The following IL1RAP variants were observed in gnomAD, a reference collection of about 807,000 sequenced individuals.
The protein encoded by IL1RAP is interleukin 1 receptor accessory protein, also known as interleukin-1 receptor accessory protein.
A neutral mutation model predicts 60.7 loss-of-function variants in IL1RAP; 35 were observed. That is an observed-to-expected ratio of 0.58 (90% CI 0.44 to 0.76). The LOEUF (loss-of-function observed/expected upper bound fraction) is 0.76. IL1RAP is among the 30% of genes least tolerant of loss of function. The pLI, the probability that IL1RAP is intolerant of heterozygous loss-of-function variation, is 0.00. For synonymous variants in IL1RAP, 268 were observed against 250.9 expected, an observed-to-expected ratio of 1.07 and a Z score of -0.64; for missense variants, 572 against 693.9, an observed-to-expected ratio of 0.82 and a Z score of 1.97.
rs2108752434 is a variant in IL1RAP, at chr3:190,604,326, C to A, written c.263C>A (p.Pro88His). The A allele has an allele frequency of 6.2e-7, 1 of 1,613,990 alleles. No individual in the cohort carries two copies. The highest frequency in any genetic ancestry group is 8.5e-7 in the Non-Finnish European group (1 of 1,179,984). ...DLEEPINFRLPENRISKEKDV... is the reference protein window; with the variant it reads ...DLEEPINFRLHENRISKEKDV... ...GAGGAGCCAATTAACTTCCGCCTCC[C>A]CGAGAACCGCATTAGTAAGGAGAAA... The change falls in exon 4 of 12, where the codon CCC becomes CAC. Residue 88 changes from proline (P) to histidine (H), a missense_variant. Physicochemically the swap from Pro to His is moderately conservative, Grantham distance 77. Coordinates refer to ENST00000447382, the MANE Select transcript of IL1RAP (RefSeq NM_002182.4).
intron 5 of IL1RAP, among the ~76,000 whole-genome samples, chr3:190,611,567 T>C (rs1006838245): frequency 1.3e-5 from 2 of 152,188 alleles, no homozygotes; most frequent in African/African-American, 4.8e-5. Flanking sequence ...GTGAAAAGTA[T>C]ATAAATAAAA....
intron 1 of IL1RAP, among the ~76,000 whole-genome samples, chr3:190,553,878 G>A (rs1725126815): frequency 6.6e-6 from 1 of 151,536 alleles, no homozygotes; most frequent in Non-Finnish European, 1.5e-5. Flanking sequence ...GGCTAAAAAC[G>A]GTGAAACCCC....
At chr3:190,524,598 A>G (rs555758127) in intron 1 of IL1RAP, among the ~76,000 whole-genome samples, 16 of 152,088 alleles carry the variant, frequency 1.1e-4, no homozygotes, top group Non-Finnish European at 1.8e-4. Flanking sequence ...TCCTTTCCTC[A>G]TTTCTTATTT....
At chr3:190,582,552 A>G (rs1441575626) in intron 3 of IL1RAP, among the ~76,000 whole-genome samples, 1 of 152,072 alleles carries the variant, frequency 6.6e-6, no homozygotes, top group East Asian at 1.9e-4. Flanking sequence ...TCCTGACCTC[A>G]GGTGATCCAC....
At chr3:190,525,446 G>T (rs571393362) in intron 1 of IL1RAP, among the ~76,000 whole-genome samples, 2 of 152,350 alleles carry the variant, frequency 1.3e-5, no homozygotes, top group Middle Eastern at 3.4e-3. Context: ...GACTGGTCTT[G>T]CAGGCTATGG....
At position 190,609,053 on chromosome 3, in the gene IL1RAP, T is replaced by A; in HGVS notation, c.409T>A (p.Cys137Ser). The change falls in exon 5 of 12, where the codon TGT (cysteine) becomes AGT (serine). Residue 137 changes from cysteine to serine, a missense_variant. Transcript: ENST00000447382. ...CTTGGAAGTTGTTCAAAAAGACAGC[T>A]GTTTCAATTCCCCCATGAAACTCCC... Reference protein sequence around the residue: ...FPLEVVQKDSCFNSPMKLPVH... With the variant: ...FPLEVVQKDSSFNSPMKLPVH... 6.2e-7 allele frequency: 1 copy of A among 1,613,506 alleles called. No individual in the cohort carries two copies. The highest frequency in any genetic ancestry group is 8.5e-7 in the Non-Finnish European group (1 of 1,179,634).
At chr3:190,527,671 G>C (rs1400109925) in intron 1 of IL1RAP, among the ~76,000 whole-genome samples, 1 of 148,180 alleles carries the variant, frequency 6.7e-6, no homozygotes, top group Non-Finnish European at 1.5e-5. Context: ...GAACCAATAT[G>C]GTGCTTGTTT....
chr3:190,529,109 C>T (rs1192237745), intron 1 of IL1RAP, among the ~76,000 whole-genome samples: 1 of 152,186 alleles, frequency 6.6e-6, no homozygotes, highest in East Asian at 1.9e-4. Flanking sequence ...TGGAAAAGGA[C>T]AGATTGGAGC....
intron 3 of IL1RAP, among the ~76,000 whole-genome samples, chr3:190,591,484 A>G (rs537910949): frequency 6.6e-6 from 1 of 152,212 alleles, no homozygotes; most frequent in Admixed American, 6.5e-5. Flanking sequence ...GACTGCATTC[A>G]CTTCATGTAT....
chr3:190,547,618 A>T (rs967462779), intron 1 of IL1RAP, among the ~76,000 whole-genome samples: 3 of 152,160 alleles, frequency 2.0e-5, no homozygotes, highest in Admixed American at 2.0e-4. Context: ...GAGGATGCAT[A>T]ATAGGCTGTT....
At chr3:190,561,229 G>A (rs567875335) in intron 2 of IL1RAP, among the ~76,000 whole-genome samples, 1 of 152,092 alleles carries the variant, frequency 6.6e-6, no homozygotes, top group Non-Finnish European at 1.5e-5. Flanking sequence ...TACTCTTTAC[G>A]ATAATAAAAT....
intron 6 of IL1RAP, among the ~76,000 whole-genome samples, chr3:190,622,421 G>T (rs148636914): frequency 1.3e-5 from 2 of 152,086 alleles, no homozygotes; most frequent in South Asian, 4.1e-4. Flanking sequence ...GTTATCCAGA[G>T]TTAGCACTGA....
Position 190,629,382 on chromosome 3 carries a change from G to T in IL1RAP, c.935G>T (p.Arg312Ile), listed in dbSNP as rs1352119522. The T allele has an allele frequency of 6.2e-7, 1 of 1,612,576 alleles. No individual in the cohort carries two copies. The highest frequency in any genetic ancestry group is 8.5e-7 in the Non-Finnish European group (1 of 1,179,318). The part of the protein sequence containing the change: ...ISHSRTEDET[R>I]TQILSIKKVT... Reference sequence around the variant, plus strand: ...CATAGTAGAACAGAAGATGAAACAAGAACTCAGATTTTGAGCATCAAGAAA... The same window carrying T: ...CATAGTAGAACAGAAGATGAAACAATAACTCAGATTTTGAGCATCAAGAAA... Residue 312 changes from arginine to isoleucine, a missense_variant, in exon 9 of 12, where the codon AGA becomes ATA. Transcript: ENST00000447382.
intron 5 of IL1RAP, among the ~76,000 whole-genome samples, chr3:190,610,706 G>A (rs1183723148): frequency 6.6e-6 from 1 of 152,004 alleles, no homozygotes; most frequent in Non-Finnish European, 1.5e-5. Context: ...AGCAAAATTT[G>A]GCAGAACTCC....
downstream of IL1RAP, chr3:190,656,485 G>C (rs1216956881): frequency 6.5e-7 from 1 of 1,537,208 alleles, no homozygotes; most frequent in Admixed American, 2.0e-5. Flanking sequence ...TGTTCCCCAA[G>C]AGTCAGAAAC....
intron 3 of IL1RAP, among the ~76,000 whole-genome samples, chr3:190,593,748 C>T (rs984701006): frequency 9.9e-5 from 15 of 152,040 alleles, no homozygotes; most frequent in African/African-American, 2.9e-4. Flanking sequence ...GTCCCTCCCA[C>T]GACATTTGGG....
At chr3:190,655,329 A>G (rs1239434699), downstream of IL1RAP, among the ~76,000 whole-genome samples, 1 of 152,178 alleles carries the variant, frequency 6.6e-6, no homozygotes, top group African/African-American at 2.4e-5. Context: ...TCATTTATGG[A>G]ATAAGAGAAA....
chr3:190,551,769 G>C (rs1266167147), intron 1 of IL1RAP, among the ~76,000 whole-genome samples: 1 of 152,040 alleles, frequency 6.6e-6, no homozygotes, highest in Non-Finnish European at 1.5e-5. Flanking sequence ...ATTAAAACAA[G>C]TCAACAATTG....
At chr3:190,540,219 C>T (rs948307503) in intron 1 of IL1RAP, among the ~76,000 whole-genome samples, 1 of 151,956 alleles carries the variant, frequency 6.6e-6, no homozygotes, top group Non-Finnish European at 1.5e-5. Flanking sequence ...TTGTTTTTCC[C>T]ATTCACATAT....
Sources: allele counts gnomAD v4.1 joint callset (sites outside exome capture counted in the v4.1 genomes callset), GRCh38; gene constraint gnomAD v4.1.1; transcripts MANE v1.5; gene names NCBI Gene and HGNC (gene_info 2026-07-23, HGNC 2026-07-21).